OVOL1: variants seen among roughly 807,000 people sequenced by gnomAD.
OVOL1 encodes the protein ovo like transcriptional repressor 1.
In OVOL1, 10 loss-of-function variants were observed where a neutral mutation model predicts 21.5. The observed-to-expected ratio is 0.46, with a 90% confidence interval of 0.29 to 0.79. The LOEUF is 0.79. Among genes scored for constraint, OVOL1 ranks in the 30% least tolerant of loss-of-function variants. OVOL1 has a pLI of 0.10. For missense variants in OVOL1, 279 were observed against 362.3 expected, an observed-to-expected ratio of 0.77 and a Z score of 1.87; for synonymous variants, 129 against 150.3, an observed-to-expected ratio of 0.86 and a Z score of 1.03.
chr11:65,794,387 T>C, intron 2 of OVOL1, 139 bp downstream of exon 2: 2 of 1,075,988 alleles, frequency 1.9e-6, no homozygotes, highest in Admixed American at 4.1e-5. Flanking sequence ...GGAGTGCCGA[T>C]CTCCGGGCAG....
Position 65,787,490 on chromosome 11 carries a change from C to T in OVOL1, c.100+17C>T, listed in dbSNP as rs1306074555. The T allele has an allele frequency of 2.7e-6, 4 of 1,488,122 alleles. No individual in the cohort carries two copies. The African/African-American group carries it at 4.4e-5, about 16-fold the overall frequency. 92.2% of individuals were successfully genotyped at this position (1,488,122 alleles called of 1,614,324 possible). A position where few individuals can be genotyped will look rare whatever the true frequency, so the allele number is the denominator to read the frequency against. On this transcript the variant is annotated intron_variant, in intron 1 of 3. Transcript: ENST00000335987. ...ACGTGCCAGGTGAGGCTCCAACCGC[C>T]CTCCGGCCTGGGGCACCCGCGGCGG... is the stretch of plus-strand genomic sequence containing the variant.
Position 65,794,131 on chromosome 11 carries a change from C to T in OVOL1, c.201C>T (p.Asp67=). ...TGGCTTTGAACATGAGCCTTCGAGACTCTAGCTACAGCATGGCCCCCGGGC... is the reference window on the plus strand; with the variant it reads ...TGGCTTTGAACATGAGCCTTCGAGATTCTAGCTACAGCATGGCCCCCGGGC... ...CPLALNMSLR[D]SSYSMAPGPC... The change falls in exon 2 of 4, where the codon GAC becomes GAT. Residue 67 remains aspartate, a synonymous_variant. Transcript: ENST00000335987. The T allele has an allele frequency of 6.2e-7, 1 of 1,613,966 alleles. No individual in the cohort carries two copies. Among genetic ancestry groups the T allele is most frequent in the Non-Finnish European group, 8.5e-7 (1 of 1,180,020 alleles).
Position 65,794,098 on chromosome 11 carries a change from C to A in OVOL1, c.168C>A (p.Ser56=). 6.2e-7 allele frequency: 1 copy of A among 1,614,060 alleles called. No homozygotes were observed. The highest frequency in any genetic ancestry group is 8.5e-7 in the Non-Finnish European group (1 of 1,180,032). ...EPEPSVAEPP[S]CPLALNMSLR... is the part of the protein sequence containing the mutation. The stretch of plus-strand genomic sequence containing the variant: ...AACCCTCTGTGGCCGAACCCCCTTC[C>A]TGCCCGCTGGCTTTGAACATGAGCC... Residue 56 remains serine, a synonymous_variant, in exon 2 of 4, where the codon TCC becomes TCA. Coordinates refer to ENST00000335987, the MANE Select transcript of OVOL1 (RefSeq NM_004561.4).
chr11:65,793,400 A>G (rs1858063322), intron 1 of OVOL1, among the ~76,000 whole-genome samples: 1 of 152,190 alleles, frequency 6.6e-6, no homozygotes, highest in Admixed American at 6.5e-5. Context: ...GTTAGGCTGC[A>G]TCCACCTGCG....
intron 1 of OVOL1, 81 bp downstream of exon 1, chr11:65,787,554 G>A: frequency 1.3e-6 from 1 of 764,790 alleles, no homozygotes; most frequent in Non-Finnish European, 1.7e-6. Flanking sequence ...GCAGGTCCGC[G>A]GAGCCAGGCG....
chr11:65,787,508 C>CGCG (rs762403862), intron 1 of OVOL1, 35 bp downstream of exon 1: 60 of 1,331,992 alleles, frequency 4.5e-5, no homozygotes, highest in Non-Finnish European at 5.6e-5. Context: ...CTGGGGCACC[C>CGCG]GCGGCGGCGT....
chr11:65,787,391 G>C lies in OVOL1; in HGVS notation c.18G>C (p.Leu6=). ...GTTCGAAAATGCCCCGCGCGTTCCTGGTGAAGAAGCCGTGCGTCTCCACGT... is the reference window on the plus strand; with the variant it reads ...GTTCGAAAATGCCCCGCGCGTTCCTCGTGAAGAAGCCGTGCGTCTCCACGT... MPRAF[L]VKKPCVSTCK... The change falls in exon 1 of 4, where the codon CTG becomes CTC. Residue 6 remains leucine (L), a synonymous_variant. Transcript: ENST00000335987. 1.3e-6 allele frequency: 2 copies of C among 1,593,242 alleles called. No homozygotes were observed. Among genetic ancestry groups the C allele is most frequent in the Non-Finnish European group, 1.7e-6 (2 of 1,170,304 alleles).
rs1444608178 is a variant in OVOL1, at chr11:65,787,238, C to T, written c.-136C>T. 3 of 656,808 alleles carry T rather than the reference C, an allele frequency of 4.6e-6. No homozygotes were observed. The highest frequency in any genetic ancestry group is 4.8e-5 in the Admixed American group (2 of 41,270). 40.7% of individuals were successfully genotyped at this position (656,808 alleles called of 1,614,324 possible). ...GCGCCGTCCGGGCTCGGACCTTCCCCGGAACGTGGGGGCGCCTTAGCGACT... is the reference window on the plus strand; with the variant it reads ...GCGCCGTCCGGGCTCGGACCTTCCCTGGAACGTGGGGGCGCCTTAGCGACT... On this transcript the variant is annotated 5_prime_UTR_variant, in exon 1 of 4. Transcript: ENST00000335987.
rs759520132 is a variant in OVOL1, at chr11:65,794,158, C to T, written c.228C>T (p.Pro76=). ...CTAGCTACAGCATGGCCCCCGGGCC[C>T]TGTGTGGTGGCCCAGCTGCCCTCTG... is the stretch of plus-strand genomic sequence containing the variant. ...RDSSYSMAPG[P]CVVAQLPSED... Residue 76 remains proline (P), a synonymous_variant, in exon 2 of 4, where the codon CCC becomes CCT. Transcript: ENST00000335987. 3 of 1,613,770 alleles carry T rather than the reference C, an allele frequency of 1.9e-6. No individual in the cohort carries two copies. Among genetic ancestry groups the T allele is most frequent in the South Asian group, 2.2e-5 (2 of 91,082 alleles).
chr11:65,794,580 C>T lies in OVOL1; in HGVS notation c.361C>T (p.Arg121Cys), dbSNP rs760148059. Residue 121 changes from arginine to cysteine, a missense_variant, in exon 3 of 4, where the codon CGT becomes TGT. Physicochemically the swap from Arg to Cys is radical, Grantham distance 180. Coordinates refer to ENST00000335987, the MANE Select transcript of OVOL1 (RefSeq NM_004561.4). The stretch of plus-strand genomic sequence containing the variant: ...TCCCAGTGGAGACCTGTTCACCTGC[C>T]GTGTCTGCCAGAAGGCCTTCACCTA... ...DSPSGDLFTC[R>C]VCQKAFTYQR... The T allele has an allele frequency of 2.1e-5, 34 of 1,613,332 alleles. No individual in the cohort carries two copies. Among genetic ancestry groups the T allele is most frequent in the African/African-American group, 1.1e-4 (8 of 74,924 alleles).
chr11:65,788,044 C>T (rs1857938720), intron 1 of OVOL1, among the ~76,000 whole-genome samples: 1 of 152,200 alleles, frequency 6.6e-6, no homozygotes, highest in African/African-American at 2.4e-5. Flanking sequence ...TCGTTGGGCT[C>T]CGGCTGCTAG....
chr11:65,795,278 G>A lies in OVOL1; in HGVS notation c.741G>A (p.Lys247=). Residue 247 remains lysine, a synonymous_variant, in exon 4 of 4, where the codon AAG becomes AAA. Coordinates refer to ENST00000335987, the MANE Select transcript of OVOL1 (RefSeq NM_004561.4). This position sits in a 1 kb window ranked among gnomAD's most constrained non-coding sequence, Gnocchi z 5.7. ...PDSPLLRKTS[K]KVAVALQNTV... is the part of the protein sequence containing the mutation. ...GCCCGCTGCTGCGCAAGACCTCCAA[G>A]AAGGTGGCCGTGGCACTACAGAACA... The A allele has an allele frequency of 6.2e-7, 1 of 1,613,270 alleles. No individual in the cohort carries two copies. Among genetic ancestry groups the A allele is most frequent in the Non-Finnish European group, 8.5e-7 (1 of 1,179,926 alleles).
In OVOL1 at chr11:65,795,623, T is replaced by C; in HGVS notation, c.*282T>C. 2.0e-6 allele frequency: 1 copy of C among 509,096 alleles called. No individual in the cohort carries two copies. The highest frequency in any genetic ancestry group is 3.6e-6 in the Non-Finnish European group (1 of 281,052). 31.5% of individuals were successfully genotyped at this position (509,096 alleles called of 1,614,324 possible). On this transcript the variant is annotated 3_prime_UTR_variant, in exon 4 of 4. Coordinates refer to ENST00000335987, the MANE Select transcript of OVOL1 (RefSeq NM_004561.4). The surrounding 1 kb of genome is among the most constrained non-coding windows in gnomAD (Gnocchi z 5.7). ...GGATGAGGCCAAGGCTGCCTTCAAT[T>C]AGAAGCAGCCGCCCACAGAGACAGG...
At position 65,795,047 on chromosome 11, in the gene OVOL1, C is replaced by T. The variant is rs142370799; in HGVS notation, c.510C>T (p.Gly170=). 1.6e-5 allele frequency: 26 copies of T among 1,611,860 alleles called. No homozygotes were observed. The African/African-American group carries it at 2.5e-4, about 16-fold the overall frequency. Residue 170 remains glycine, a splice_region_variant and synonymous_variant, in exon 4 of 4, where the codon GGC becomes GGT. Transcript: ENST00000335987. This position sits in a 1 kb window ranked among gnomAD's most constrained non-coding sequence, Gnocchi z 5.7. The stretch of plus-strand genomic sequence containing the variant: ...TGCTGGCCCCTGTCCTCCCCACAGG[C>T]GTGCGGCCCTACAAGTGCAGCCTGT... ...DLKRHVRTHT[G]VRPYKCSLCD... is the part of the protein sequence containing the mutation.
intron 3 of OVOL1, 83 bp downstream of exon 3, chr11:65,794,810 C>A: frequency 7.1e-7 from 1 of 1,405,602 alleles, no homozygotes; most frequent in South Asian, 1.2e-5. Context: ...ACCCCCTGCT[C>A]TCCCTCGGTG....
At chr11:65,794,482 C>G (rs1858087610) in intron 2 of OVOL1, 56 bp from the exon 3 acceptor site, 1 of 1,548,274 alleles carries the variant, frequency 6.5e-7, no homozygotes, top group Non-Finnish European at 8.9e-7. Context: ...TCCCAATCTG[C>G]CAGCCTGTGG....
rs754185212 is a variant in OVOL1 at position 65,794,578 on chromosome 11, G to C, written c.359G>C (p.Cys120Ser). ...GDSPSGDLFT[C>S]RVCQKAFTYQ... ...AGTCCCAGTGGAGACCTGTTCACCT[G>C]CCGTGTCTGCCAGAAGGCCTTCACC... The change falls in exon 3 of 4, where the codon TGC becomes TCC. Residue 120 changes from cysteine to serine, a missense_variant. By Grantham distance (112) the Cys-to-Ser change is moderately radical. Transcript: ENST00000335987. 6.2e-7 allele frequency: 1 copy of C among 1,613,458 alleles called. No individual in the cohort carries two copies.
intron 2 of OVOL1, 63 bp from the exon 3 acceptor site, chr11:65,794,475 C>T: frequency 6.6e-7 from 1 of 1,514,408 alleles, no homozygotes. Flanking sequence ...CACGTCTTCC[C>T]AATCTGCCAG....
chr11:65,791,788 G>A (rs955178625), intron 1 of OVOL1, among the ~76,000 whole-genome samples: 1 of 152,234 alleles, frequency 6.6e-6, no homozygotes, highest in African/African-American at 2.4e-5. Context: ...GTGGGCGGGT[G>A]ATGAGTAGTC....
Sources: gnomAD v4.1 joint callset for allele counts (sites outside exome capture counted in the v4.1 genomes callset) on GRCh38, gnomAD v4.1.1 for gene constraint, Gnocchi (gnomAD v3.1) non-coding constraint, MANE v1.5 for transcripts, NCBI Gene and HGNC (gene_info 2026-07-23, HGNC 2026-07-21) for gene names.